SHISA9: variants seen among roughly 807,000 people sequenced by gnomAD.
The protein encoded by SHISA9 is shisa family member 9.
SHISA9 carries 13 observed loss-of-function variants against 38.0 expected under a neutral mutation model. That is an observed-to-expected ratio of 0.34 (90% CI 0.22 to 0.54). The LOEUF (loss-of-function observed/expected upper bound fraction) is 0.54. SHISA9 is among the 20% of genes least tolerant of loss of function. The pLI is 0.91. For synonymous variants in SHISA9, 275 were observed against 242.0 expected (o/e 1.14, Z -1.27); for missense variants, 538 against 575.8 (o/e 0.93, Z 0.67).
At chr16:13,556,736 A>T in the SHISA9 span, among the ~76,000 whole-genome samples, 1 of 152,176 alleles carries the variant, frequency 6.6e-6, no homozygotes, top group African/African-American at 2.4e-5. Flanking sequence ...CCCTCCTCAG[A>T]TTCAACCAAT....
At chr16:13,151,616 C>A (rs2050500217) in intron 2 of SHISA9, among the ~76,000 whole-genome samples, 2 of 152,140 alleles carry the variant, frequency 1.3e-5, no homozygotes, top group African/African-American at 2.4e-5. Context: ...AAGAATATTT[C>A]CAAATTTACA....
the SHISA9 span, among the ~76,000 whole-genome samples, chr16:13,361,777 G>T: frequency 6.6e-6 from 1 of 152,090 alleles, no homozygotes; most frequent in Non-Finnish European, 1.5e-5. Context: ...CTTCCCTTTT[G>T]CCATTATCCA....
the SHISA9 span, among the ~76,000 whole-genome samples, chr16:13,267,182 A>T: frequency 6.6e-6 from 1 of 152,306 alleles, no homozygotes; most frequent in South Asian, 2.1e-4. Flanking sequence ...GCTAATTTTA[A>T]CATCAAGAGC....
At chr16:13,393,693 TTAGG>T in the SHISA9 span, among the ~76,000 whole-genome samples, 4,084 of 152,206 alleles carry the variant, frequency 0.027, 74 homozygotes, top group Middle Eastern at 0.068. Flanking sequence ...GAGCCTTGGC[TTAGG>T]TAGTACAGCT....
chr16:13,016,733 G>A (rs2072762191), intron 2 of SHISA9, among the ~76,000 whole-genome samples: 1 of 152,162 alleles, frequency 6.6e-6, no homozygotes, highest in East Asian at 1.9e-4. Flanking sequence ...TTTTACAAAA[G>A]CATTCATTCA....
intron 2 of SHISA9, among the ~76,000 whole-genome samples, chr16:13,198,914 G>A (rs2050976641): frequency 6.6e-6 from 1 of 152,216 alleles, no homozygotes; most frequent in Admixed American, 6.5e-5. Context: ...TATTATGGTT[G>A]TGTCTACTTA....
chr16:13,212,690 C>T (rs1291522001), intron 3 of SHISA9, among the ~76,000 whole-genome samples: 2 of 152,178 alleles, frequency 1.3e-5, no homozygotes, highest in African/African-American at 4.8e-5. Context: ...ATTTTCCAAA[C>T]ACAGAATGTG....
At chr16:13,187,361 G>C (rs1344250433) in intron 2 of SHISA9, among the ~76,000 whole-genome samples, 8 of 87,034 alleles carry the variant, frequency 9.2e-5, no homozygotes, top group African/African-American at 3.9e-4. Context: ...TTGAGGCAGA[G>C]TCTTGCTCTA....
intron 2 of SHISA9, among the ~76,000 whole-genome samples, chr16:13,039,035 AG>A (rs1467862142): frequency 6.6e-6 from 1 of 152,088 alleles, no homozygotes; most frequent in Admixed American, 6.5e-5. Context: ...CAGCCTCCCG[AG>A]TAGCTAGAAC....
the SHISA9 span, among the ~76,000 whole-genome samples, chr16:13,379,956 T>C: frequency 2.6e-5 from 4 of 152,068 alleles, no homozygotes; most frequent in African/African-American, 9.7e-5. Context: ...AATAAAGAAA[T>C]TTTGAGAGTG....
chr16:13,311,643 A>G, the SHISA9 span, among the ~76,000 whole-genome samples: 1 of 152,176 alleles, frequency 6.6e-6, no homozygotes, highest in African/African-American at 2.4e-5. Context: ...GGGATGACAT[A>G]CAATGTCCAC....
chr16:13,262,422 C>T, the SHISA9 span, among the ~76,000 whole-genome samples: 1 of 152,140 alleles, frequency 6.6e-6, no homozygotes, highest in Admixed American at 6.5e-5. Flanking sequence ...GCACTAGTAG[C>T]CTTTTAGCTT....
chr16:13,522,368 T>C, the SHISA9 span, among the ~76,000 whole-genome samples: 1 of 152,208 alleles, frequency 6.6e-6, no homozygotes, highest in South Asian at 2.1e-4. Flanking sequence ...GTTTTCATCC[T>C]AATGACATGT....
At chr16:13,320,651 C>G in the SHISA9 span, among the ~76,000 whole-genome samples, 1 of 152,160 alleles carries the variant, frequency 6.6e-6, no homozygotes, top group Non-Finnish European at 1.5e-5. Context: ...CAAGTCTTAC[C>G]CCTGGAACAT....
the SHISA9 span, among the ~76,000 whole-genome samples, chr16:13,397,445 T>C: frequency 2.6e-5 from 4 of 152,176 alleles, no homozygotes; most frequent in Non-Finnish European, 5.9e-5. Flanking sequence ...AGTTTGTTTT[T>C]AGGCAGAGTC....
At chr16:13,042,725 C>A (rs1034387096) in intron 2 of SHISA9, among the ~76,000 whole-genome samples, 1 of 152,186 alleles carries the variant, frequency 6.6e-6, no homozygotes, top group Non-Finnish European at 1.5e-5. Context: ...CCCCTATTCT[C>A]TAGTCACACC....
chr16:13,531,978 A>G, the SHISA9 span, among the ~76,000 whole-genome samples: 2 of 152,190 alleles, frequency 1.3e-5, no homozygotes, highest in African/African-American at 2.4e-5. Context: ...ATACTTAAGG[A>G]GATTGAATGC....
At chr16:12,902,932 T>G in intron 1 of SHISA9, 2 of 327,752 alleles carry the variant, frequency 6.1e-6, no homozygotes, top group Non-Finnish European at 1.1e-5. Context: ...TTGAGACACG[T>G]AGCCTGGGAG....
At chr16:13,433,310 C>G in the SHISA9 span, among the ~76,000 whole-genome samples, 2 of 152,152 alleles carry the variant, frequency 1.3e-5, no homozygotes, top group Non-Finnish European at 2.9e-5. Flanking sequence ...CTGTCTGCAT[C>G]TCAGTTGCTC....
Sources: allele counts gnomAD v4.1 joint callset (sites outside exome capture counted in the v4.1 genomes callset), GRCh38; gene constraint gnomAD v4.1.1; transcripts MANE v1.5; gene names NCBI Gene and HGNC (gene_info 2026-07-23, HGNC 2026-07-21).